HS2ST1: variants seen among roughly 807,000 people sequenced by gnomAD.
HS2ST1 encodes 2-O-sulfotransferase.
In HS2ST1, 18 loss-of-function variants were observed where a neutral mutation model predicts 42.9. That is an observed-to-expected ratio of 0.42 (90% CI 0.29 to 0.62). The LOEUF (loss-of-function observed/expected upper bound fraction) is 0.62. HS2ST1 is among the 20% of genes least tolerant of loss of function. The probability of loss-of-function intolerance (pLI) is 0.21; values close to 1 mark genes in which losing one functional copy is unlikely to be tolerated. For synonymous variants in HS2ST1, 146 were observed against 152.9 expected (o/e 0.95, Z 0.33); for missense variants, 334 against 433.8 (o/e 0.77, Z 2.04).
chr1:87,070,240 T>G (rs1367252596), intron 1 of HS2ST1, among the ~76,000 whole-genome samples: 1 of 152,180 alleles, frequency 6.6e-6, no homozygotes, highest in Non-Finnish European at 1.5e-5. Context: ...GGACGTAACA[T>G]TACCATAATA....
chr1:86,917,166 T>A (rs1570418862), intron 1 of HS2ST1, among the ~76,000 whole-genome samples: 2 of 152,280 alleles, frequency 1.3e-5, no homozygotes, highest in South Asian at 2.1e-4. Context: ...TTGACAACCA[T>A]ATTCTGTACT....
At chr1:86,967,661 G>C (rs1648087148) in intron 1 of HS2ST1, among the ~76,000 whole-genome samples, 1 of 152,106 alleles carries the variant, frequency 6.6e-6, no homozygotes, top group Non-Finnish European at 1.5e-5. Context: ...AGCATTCCAT[G>C]GTGTATATAT....
intron 1 of HS2ST1, among the ~76,000 whole-genome samples, chr1:86,986,719 T>C (rs1218217654): frequency 6.6e-6 from 1 of 152,144 alleles, no homozygotes; most frequent in Non-Finnish European, 1.5e-5. Context: ...TAGGGCAACA[T>C]TTAAAAGCTG....
intron 1 of HS2ST1, among the ~76,000 whole-genome samples, chr1:86,990,161 T>G (rs1390321968): frequency 1.3e-5 from 2 of 152,306 alleles, no homozygotes; most frequent in African/African-American, 4.8e-5. Flanking sequence ...CCACAATGGT[T>G]GAACTAATTT....
At chr1:87,029,043 A>C (rs1650164002) in intron 1 of HS2ST1, among the ~76,000 whole-genome samples, 1 of 152,098 alleles carries the variant, frequency 6.6e-6, no homozygotes, top group African/African-American at 2.4e-5. Context: ...TAATATTTTA[A>C]TAAATAGTTA....
At chr1:87,058,677 T>C (rs941415573) in intron 1 of HS2ST1, among the ~76,000 whole-genome samples, 8 of 151,690 alleles carry the variant, frequency 5.3e-5, no homozygotes, top group African/African-American at 2.0e-4. Context: ...TTCTGACTTT[T>C]TTCCCCTGTA....
At chr1:87,007,445 GTTA>G (rs1178092465) in intron 1 of HS2ST1, among the ~76,000 whole-genome samples, 1 of 152,046 alleles carries the variant, frequency 6.6e-6, no homozygotes, top group Non-Finnish European at 1.5e-5. Flanking sequence ...TGGCCCCTAA[GTTA>G]TTATAGAGGA....
At chr1:86,973,116 T>C (rs1648284975) in intron 1 of HS2ST1, among the ~76,000 whole-genome samples, 1 of 152,184 alleles carries the variant, frequency 6.6e-6, no homozygotes, top group Non-Finnish European at 1.5e-5. Context: ...ATCTTTCCAT[T>C]TGCAGTTAAT....
intron 1 of HS2ST1, among the ~76,000 whole-genome samples, chr1:87,034,543 T>A (rs1650323207): frequency 6.6e-6 from 1 of 152,178 alleles, no homozygotes; most frequent in South Asian, 2.1e-4. Context: ...CGAACTACTT[T>A]TGAAAATGCA....
At chr1:86,995,308 A>G (rs1649065219) in intron 1 of HS2ST1, among the ~76,000 whole-genome samples, 3 of 152,200 alleles carry the variant, frequency 2.0e-5, no homozygotes, top group Admixed American at 1.3e-4. Flanking sequence ...GGTTACCCAT[A>G]TTGCATGTTT....
At chr1:86,936,162 T>A (rs898830090) in intron 1 of HS2ST1, among the ~76,000 whole-genome samples, 7 of 152,208 alleles carry the variant, frequency 4.6e-5, no homozygotes, top group Non-Finnish European at 1.0e-4. Flanking sequence ...GCTGCTTTGC[T>A]AATAGATTTT....
intron 1 of HS2ST1, among the ~76,000 whole-genome samples, chr1:87,003,054 C>T (rs930223463): frequency 4.9e-4 from 74 of 152,354 alleles, no homozygotes; most frequent in African/African-American, 1.8e-3. Context: ...GGCCCACGCC[C>T]TGATGGCTCC....
At chr1:86,999,200 T>A (rs574512886) in intron 1 of HS2ST1, among the ~76,000 whole-genome samples, 2 of 152,010 alleles carry the variant, frequency 1.3e-5, no homozygotes, top group South Asian at 4.1e-4. Flanking sequence ...TTTTTTGAGA[T>A]GGAGTTTCAC....
intron 1 of HS2ST1, among the ~76,000 whole-genome samples, chr1:86,996,051 A>G (rs1649086418): frequency 6.6e-6 from 1 of 152,136 alleles, no homozygotes. Context: ...AAAGATAGCC[A>G]TTTTTTTAAT....
At chr1:87,005,904 T>TA (rs1401602257) in intron 1 of HS2ST1, among the ~76,000 whole-genome samples, 4 of 152,184 alleles carry the variant, frequency 2.6e-5, no homozygotes, top group African/African-American at 9.6e-5. Flanking sequence ...AAGATTACGT[T>TA]ACTGTTGTCT....
rs1296482910 is a variant in HS2ST1, at chr1:86,992,608, C to T, written c.124+77448C>T. Among the ~76,000 whole-genome samples the T allele has an allele frequency of 5.3e-5, 8 of 152,214 alleles. No individual in the cohort carries two copies. In the East Asian group the frequency reaches 5.8e-4, roughly 11 times the overall value. Reference sequence around the variant, plus strand: ...AACTCCTGACCTCTGGTGATCTGCACGCCTCGGCCTCCCAAATTGCTGGGA... The same window carrying T: ...AACTCCTGACCTCTGGTGATCTGCATGCCTCGGCCTCCCAAATTGCTGGGA... On this transcript the variant is annotated intron_variant, in intron 1 of 6. Transcript: ENST00000370550.
intron 1 of HS2ST1, among the ~76,000 whole-genome samples, chr1:86,957,563 A>G (rs557272745): frequency 6.6e-6 from 1 of 152,290 alleles, no homozygotes; most frequent in South Asian, 2.1e-4. Context: ...TAATAATAAA[A>G]TCTAGAGGAA....
chr1:86,981,301 C>T (rs1378966012), intron 1 of HS2ST1, among the ~76,000 whole-genome samples: 1 of 152,094 alleles, frequency 6.6e-6, no homozygotes, highest in African/African-American at 2.4e-5. Flanking sequence ...AACCATATTC[C>T]ACCCCAGACC....
chr1:87,058,246 C>A (rs1036105739), intron 1 of HS2ST1, among the ~76,000 whole-genome samples: 2 of 151,398 alleles, frequency 1.3e-5, no homozygotes, highest in Non-Finnish European at 2.9e-5. Flanking sequence ...TAATAACTTA[C>A]CACCCCCTAA....
Sources: allele counts gnomAD v4.1 joint callset (sites outside exome capture counted in the v4.1 genomes callset), GRCh38; gene constraint gnomAD v4.1.1; transcripts MANE v1.5; gene names NCBI Gene and HGNC (gene_info 2026-07-23, HGNC 2026-07-21).